EMX1: variants seen among roughly 807,000 people sequenced by gnomAD.
EMX1 encodes homeobox protein EMX1.
Under a neutral mutation model 20.1 loss-of-function variants are expected in EMX1, and 10 were observed. That is an observed-to-expected ratio of 0.50 (90% CI 0.31 to 0.84). The LOEUF (loss-of-function observed/expected upper bound fraction) is 0.84. EMX1 is among the 40% of genes least tolerant of loss of function. The pLI is 0.05. For synonymous variants in EMX1, 250 were observed against 200.4 expected, an observed-to-expected ratio of 1.25 and a Z score of -2.09; for missense variants, 424 against 431.9, an observed-to-expected ratio of 0.98 and a Z score of 0.16.
Position 72,924,404 on chromosome 2 carries a change from C to G in EMX1, c.616C>G (p.Arg206Gly). Residue 206 changes from arginine (R) to glycine (G), a missense_variant, in exon 2 of 3, where the codon CGG (arginine) becomes GGG (glycine). This residue lies in a region of EMX1 where 91 missense variants were observed against 135.2 expected (regional missense o/e 0.67). Coordinates refer to ENST00000258106, the MANE Select transcript of EMX1 (RefSeq NM_004097.3). ...GGCCTTCTCGCCCTCGCAGCTGCTGCGGCTGGAGCGCGCCTTCGAGAAGAA... is the reference window on the plus strand; with the variant it reads ...GGCCTTCTCGCCCTCGCAGCTGCTGGGGCTGGAGCGCGCCTTCGAGAAGAA... ...RTAFSPSQLL[R>G]LERAFEKNHY... is the part of the protein sequence containing the mutation. The G allele has an allele frequency of 6.3e-7, 1 of 1,593,010 alleles. No homozygotes were observed. The highest frequency in any genetic ancestry group is 8.5e-7 in the Non-Finnish European group (1 of 1,174,798).
At chr2:72,922,112 C>G (rs1298636405) in intron 1 of EMX1, among the ~76,000 whole-genome samples, 1 of 152,210 alleles carries the variant, frequency 6.6e-6, no homozygotes, top group Non-Finnish European at 1.5e-5. Context: ...CTGGGCCAGC[C>G]CAGCATCTGA....
chr2:72,918,910 C>A (rs939308770), intron 1 of EMX1, among the ~76,000 whole-genome samples: 1 of 152,208 alleles, frequency 6.6e-6, no homozygotes, highest in Admixed American at 6.5e-5. Flanking sequence ...GAGGGCCTGG[C>A]TGTCTTGGGA....
At chr2:72,918,567 A>G (rs1419231514) in intron 1 of EMX1, among the ~76,000 whole-genome samples, 195 bp downstream of exon 1, 1 of 152,240 alleles carries the variant, frequency 6.6e-6, no homozygotes, top group Non-Finnish European at 1.5e-5. Context: ...TCTCCCTCCC[A>G]GGAAAGCAGG....
At chr2:72,929,984 G>A (rs1193713325) in intron 2 of EMX1, among the ~76,000 whole-genome samples, 1 of 152,144 alleles carries the variant, frequency 6.6e-6, no homozygotes, top group Non-Finnish European at 1.5e-5. Context: ...AATTTACCAT[G>A]TGGAATATTA....
At position 72,926,200 on chromosome 2, in the gene EMX1, A is replaced by G. The variant is rs1334076310; in HGVS notation, c.705+1707A>G. 5.1e-6 allele frequency: 5 copies of G among 985,256 alleles called. No homozygotes were observed. In the African/African-American group the frequency reaches 7.0e-5, roughly 14 times the overall value. The allele number at this position is 985,256 out of a possible 1,614,324, so 61.0% of individuals were successfully genotyped here. ...TAATGTCATTGTTTTTAAACTTTCA[A>G]TTTTTTAGCTCAGTGAGAGCATTTT... On this transcript the variant is annotated intron_variant, in intron 2 of 2. Transcript: ENST00000258106.
intron 2 of EMX1, among the ~76,000 whole-genome samples, chr2:72,929,536 G>C (rs1559061295): frequency 6.6e-6 from 1 of 152,184 alleles, no homozygotes; most frequent in Non-Finnish European, 1.5e-5. Context: ...AAGAGAGAAA[G>C]CTGAGGGGTG....
chr2:72,929,396 GT>G (rs1671250510), intron 2 of EMX1, among the ~76,000 whole-genome samples: 1 of 152,192 alleles, frequency 6.6e-6, no homozygotes, highest in African/African-American at 2.4e-5. Flanking sequence ...CATGGTTATG[GT>G]TGGTGGGGAG....
In EMX1 at chr2:72,925,583, A is replaced by G. The variant is rs1035013455; in HGVS notation, c.705+1090A>G. 8.6e-6 allele frequency: 11 copies of G among 1,281,170 alleles called. No individual in the cohort carries two copies. The African/African-American group carries it at 1.4e-4, about 16-fold the overall frequency. The allele number at this position is 1,281,170 out of a possible 1,614,324, so 79.4% of individuals were successfully genotyped here. On this transcript the variant is annotated intron_variant, in intron 2 of 2. Transcript: ENST00000258106. ...CCAGCTACCTCCCGGCTGACTTTTC[A>G]CCTTCCGCTCCCCTTTCCTCCTAGT...
chr2:72,929,808 C>G (rs1671255459), intron 2 of EMX1, among the ~76,000 whole-genome samples: 1 of 152,196 alleles, frequency 6.6e-6, no homozygotes, highest in African/African-American at 2.4e-5. Flanking sequence ...TTCTTGCATG[C>G]ATGTCTTCAT....
rs200650185 is a variant in EMX1, at chr2:72,925,550, G to A, written c.705+1057G>A. On this transcript the variant is annotated intron_variant, in intron 2 of 2. Transcript: ENST00000258106. The stretch of plus-strand genomic sequence containing the variant: ...CCCAGAGTTGCGAGAGGCCGGCTCC[G>A]CGGTCTCCCAGCTACCTCCCGGCTG... The A allele has an allele frequency of 2.3e-5, 30 of 1,288,062 alleles. No homozygotes were observed. In the East Asian group the frequency reaches 1.4e-3, roughly 62 times the overall value. The allele number at this position is 1,288,062 out of a possible 1,614,324, so 79.8% of individuals were successfully genotyped here.
Position 72,918,035 on chromosome 2 carries a change from C to T in EMX1, c.183C>T (p.Gly61=). ...GCGGCACCGGCGGGGGCACTGGCGGCGGGGGCGCGGGCTCCCATCTCCTGG... is the reference window on the plus strand; with the variant it reads ...GCGGCACCGGCGGGGGCACTGGCGGTGGGGGCGCGGGCTCCCATCTCCTGG... ...KDGGTGGGTG[G]GGAGSHLLAA... is the part of the protein sequence containing the mutation. Residue 61 remains glycine, a synonymous_variant, in exon 1 of 3, where the codon GGC becomes GGT. Transcript: ENST00000258106. 2.1e-6 allele frequency: 3 copies of T among 1,417,498 alleles called. No homozygotes were observed. The highest frequency in any genetic ancestry group is 2.7e-6 in the Non-Finnish European group (3 of 1,095,142). 87.8% of individuals were successfully genotyped at this position (1,417,498 alleles called of 1,614,324 possible). A position where few individuals can be genotyped will look rare whatever the true frequency, so the allele number is the denominator to read the frequency against.
chr2:72,924,903 C>T (rs531465231), intron 2 of EMX1, among the ~76,000 whole-genome samples: 1 of 152,240 alleles, frequency 6.6e-6, no homozygotes, highest in Non-Finnish European at 1.5e-5. Context: ...TGTGTCGGGG[C>T]GCTCATAGTC....
chr2:72,918,122 G>T lies in EMX1; in HGVS notation c.270G>T (p.Ala90=), dbSNP rs1237717434. 2.0e-6 allele frequency: 3 copies of T among 1,481,838 alleles called. No individual in the cohort carries two copies. The African/African-American group carries it at 4.4e-5, about 22-fold the overall frequency. 91.8% of individuals were successfully genotyped at this position (1,481,838 alleles called of 1,614,324 possible). ...CGCTCAACTACCCTCACCCCAGCGC[G>T]GCCGAGGCGGCCTTCGTGAGTGGCT... The part of the protein sequence containing the change: ...PTALNYPHPS[A]AEAAFVSGFP... Residue 90 remains alanine (A), a synonymous_variant, in exon 1 of 3, where the codon GCG becomes GCT. Coordinates refer to ENST00000258106, the MANE Select transcript of EMX1 (RefSeq NM_004097.3).
intron 2 of EMX1, among the ~76,000 whole-genome samples, chr2:72,924,947 T>A (rs1016536363): frequency 6.6e-6 from 1 of 152,244 alleles, no homozygotes; most frequent in Admixed American, 6.5e-5. Flanking sequence ...GCTTTGCTGC[T>A]GTTCCTGGGC....
At chr2:72,926,335 C>G in intron 2 of EMX1, 2 of 966,928 alleles carry the variant, frequency 2.1e-6, no homozygotes, top group Non-Finnish European at 2.5e-6. Context: ...TGAGACATTT[C>G]AAACATATAT....
chr2:72,923,258 A>G (rs1209409564), intron 1 of EMX1, among the ~76,000 whole-genome samples: 2 of 152,198 alleles, frequency 1.3e-5, no homozygotes. Context: ...GTCACACTCT[A>G]AAAATCCTAT....
Position 72,934,175 on chromosome 2 carries a change from C to G in EMX1, c.*221C>G, listed in dbSNP as rs1671329078. On this transcript the variant is annotated 3_prime_UTR_variant, in exon 3 of 3. Coordinates refer to ENST00000258106, the MANE Select transcript of EMX1 (RefSeq NM_004097.3). ...TTGGCCTTCTCCTCGGAGAGCCTGCCTGCCTGGGCGGGCCCGCCCGCCACC... is the reference window on the plus strand; with the variant it reads ...TTGGCCTTCTCCTCGGAGAGCCTGCGTGCCTGGGCGGGCCCGCCCGCCACC... 1.6e-6 allele frequency: 1 copy of G among 629,446 alleles called. No homozygotes were observed. The highest frequency in any genetic ancestry group is 3.4e-5 in the Admixed American group (1 of 29,202). 39.0% of individuals were successfully genotyped at this position (629,446 alleles called of 1,614,324 possible).
Position 72,930,715 on chromosome 2 carries a change from G to A in EMX1, c.706-3072G>A, listed in dbSNP as rs900678477. The stretch of plus-strand genomic sequence containing the variant: ...TTTCTCTAGGGAAGGGGCTCTGAAG[G>A]ATCCAGAGTTGCCTGGCTGGGTTGG... On this transcript the variant is annotated intron_variant, in intron 2 of 2. Transcript: ENST00000258106. The surrounding 1 kb of genome is among the most constrained non-coding windows in gnomAD (Gnocchi z 4.4). 5.9e-5 allele frequency among the ~76,000 whole-genome samples: 9 copies of A among 152,142 alleles called. No individual in the cohort carries two copies. Among genetic ancestry groups the A allele is most frequent in the Non-Finnish European group, 1.0e-4 (7 of 68,034 alleles).
At position 72,933,704 on chromosome 2, in the gene EMX1, G is replaced by A; in HGVS notation, c.706-83G>A. The A allele has an allele frequency of 1.9e-6, 3 of 1,541,350 alleles. No homozygotes were observed. The South Asian group carries it at 3.7e-5, about 19-fold the overall frequency. ...CCTCAGTCTTCCCATCAGGCTCTCAGCTCAGCCTGAGTGTTGAGGCCCCAG... is the reference window on the plus strand; with the variant it reads ...CCTCAGTCTTCCCATCAGGCTCTCAACTCAGCCTGAGTGTTGAGGCCCCAG... On this transcript the variant is annotated intron_variant, in intron 2 of 2. Transcript: ENST00000258106.
Sources: allele counts gnomAD v4.1 joint callset (sites outside exome capture counted in the v4.1 genomes callset), GRCh38; gene constraint gnomAD v4.1.1; regional missense constraint gnomAD v4.1.1; non-coding constraint Gnocchi (gnomAD v3.1); transcripts MANE v1.5; gene names NCBI Gene and HGNC (gene_info 2026-07-23, HGNC 2026-07-21).